The following PLPPR5 variants were observed in gnomAD, a reference collection of about 807,000 sequenced individuals.
PLPPR5 encodes the protein phospholipid phosphatase-related protein type 5.
In PLPPR5, 16 loss-of-function variants were observed where a neutral mutation model predicts 33.9. The ratio of observed to expected loss-of-function variants is 0.47; its 90% CI spans 0.32 to 0.72. The LOEUF (loss-of-function observed/expected upper bound fraction) is 0.72, where lower values mean the gene tolerates loss of function less well. Among genes scored for constraint, PLPPR5 ranks in the 30% least tolerant of loss-of-function variants. The pLI, the probability that PLPPR5 is intolerant of heterozygous loss-of-function variation, is 0.03. For missense variants in PLPPR5, 301 were observed against 406.7 expected (o/e 0.74, Z 2.23); for synonymous variants, 163 against 150.3 (o/e 1.08, Z -0.62).
chr1:98,974,819 T>C (rs1472365775), intron 1 of PLPPR5, among the ~76,000 whole-genome samples: 7 of 152,070 alleles, frequency 4.6e-5, no homozygotes, highest in Non-Finnish European at 8.8e-5. Flanking sequence ...CATTAGCAGA[T>C]CCCTATTCCT....
intron 5 of PLPPR5, among the ~76,000 whole-genome samples, chr1:98,901,832 T>C (rs910114744): frequency 2.0e-5 from 3 of 152,048 alleles, no homozygotes; most frequent in Admixed American, 2.0e-4. Flanking sequence ...TTAAGGAACA[T>C]TTACCTTAGT....
chr1:98,958,431 A>C (rs145399113), intron 1 of PLPPR5, among the ~76,000 whole-genome samples: 119 of 151,794 alleles, frequency 7.8e-4, no homozygotes, highest in African/African-American at 2.8e-3. Context: ...CAAGTAAGCC[A>C]GGGTTCAATG....
At chr1:98,990,588 A>G (rs1296408839) in intron 1 of PLPPR5, among the ~76,000 whole-genome samples, 1 of 152,196 alleles carries the variant, frequency 6.6e-6, no homozygotes, top group Non-Finnish European at 1.5e-5. Context: ...ATTTGAAGTA[A>G]GTGAGATTTA....
At chr1:98,978,934 C>T (rs910086878) in intron 1 of PLPPR5, among the ~76,000 whole-genome samples, 2 of 151,994 alleles carry the variant, frequency 1.3e-5, no homozygotes, top group South Asian at 2.1e-4. Context: ...TCCAAATACA[C>T]CTGACAGGAT....
rs1016357945 is a variant in PLPPR5, at chr1:99,004,739, C to T, written c.-68G>A. Reference sequence around the variant, plus strand: ...CGACGCGGTGGGCCCCCTCCCCGGTCCGCCGAGGCAGCCACCGGGGGCGCG... The same window carrying T: ...CGACGCGGTGGGCCCCCTCCCCGGTTCGCCGAGGCAGCCACCGGGGGCGCG... On this transcript the variant is annotated 5_prime_UTR_variant, in exon 1 of 6. Coordinates refer to ENST00000263177, the MANE Select transcript of PLPPR5 (RefSeq NM_001037317.2). The T allele has an allele frequency of 2.5e-5, 28 of 1,102,404 alleles. No homozygotes were observed. Among genetic ancestry groups the T allele is most frequent in the African/African-American group, 6.6e-5 (4 of 60,758 alleles). The allele number at this position is 1,102,404 out of a possible 1,614,324, so 68.3% of individuals were successfully genotyped here. A position where few individuals can be genotyped will look rare whatever the true frequency, so the allele number is the denominator to read the frequency against.
intron 4 of PLPPR5, 46 bp from the exon 5 acceptor site, chr1:98,914,966 T>A: frequency 6.3e-7 from 1 of 1,577,216 alleles, no homozygotes; most frequent in Non-Finnish European, 8.6e-7. Flanking sequence ...CTGTGCTCAC[T>A]GTGACTTTCA....
At chr1:98,894,718 C>T (rs1196767911) in intron 5 of PLPPR5, among the ~76,000 whole-genome samples, 1 of 152,014 alleles carries the variant, frequency 6.6e-6, no homozygotes, top group Non-Finnish European at 1.5e-5. Context: ...CCATTGTTGA[C>T]CCAGATAATG....
At chr1:98,932,582 A>C (rs555414345) in intron 3 of PLPPR5, among the ~76,000 whole-genome samples, 1 of 152,272 alleles carries the variant, frequency 6.6e-6, no homozygotes, top group South Asian at 2.1e-4. Context: ...TACTTTAGCT[A>C]TTTTTTAGGT....
intron 1 of PLPPR5, among the ~76,000 whole-genome samples, chr1:98,992,965 G>A (rs1341268896): frequency 6.6e-6 from 1 of 152,060 alleles, no homozygotes; most frequent in African/African-American, 2.4e-5. Flanking sequence ...TGGGGTCATA[G>A]GTTAGCCACT....
intron 5 of PLPPR5, among the ~76,000 whole-genome samples, chr1:98,909,367 ATAC>A (rs1252694630): frequency 6.7e-6 from 1 of 149,624 alleles, no homozygotes; most frequent in African/African-American, 2.5e-5. Context: ...GTTCCTTTCT[ATAC>A]TACTAAAGAA....
chr1:98,943,603 C>A (rs1216740609), intron 3 of PLPPR5, among the ~76,000 whole-genome samples: 2 of 152,132 alleles, frequency 1.3e-5, no homozygotes, highest in Non-Finnish European at 1.5e-5. Flanking sequence ...AATGGGGATG[C>A]ACAATACTTG....
intron 2 of PLPPR5, among the ~76,000 whole-genome samples, chr1:98,955,656 G>T (rs1650977593): frequency 6.6e-6 from 1 of 152,014 alleles, no homozygotes; most frequent in African/African-American, 2.4e-5. Context: ...TCTTTAATGG[G>T]TTTATAGATA....
chr1:99,003,971 C>T (rs1652964209), intron 1 of PLPPR5, among the ~76,000 whole-genome samples: 1 of 152,194 alleles, frequency 6.6e-6, no homozygotes, highest in Admixed American at 6.5e-5. Context: ...TGCCCCGACT[C>T]GGGAAGTGGG....
intron 5 of PLPPR5, among the ~76,000 whole-genome samples, chr1:98,898,467 G>T (rs1648565040): frequency 6.6e-6 from 1 of 152,112 alleles, no homozygotes; most frequent in Non-Finnish European, 1.5e-5. Context: ...TTTGAGGAGG[G>T]GAAGGTGAGC....
chr1:98,989,325 T>C (rs927482782), intron 1 of PLPPR5, among the ~76,000 whole-genome samples: 1 of 152,150 alleles, frequency 6.6e-6, no homozygotes, highest in African/African-American at 2.4e-5. Flanking sequence ...CTCCTTGGTA[T>C]ACTGTATTAT....
intron 4 of PLPPR5, among the ~76,000 whole-genome samples, chr1:98,916,538 A>T (rs1649358993): frequency 6.6e-6 from 1 of 152,236 alleles, no homozygotes; most frequent in Non-Finnish European, 1.5e-5. Context: ...CCTTTGCAGC[A>T]ACTATTCAAC....
rs541392351 is a variant in PLPPR5 at position 98,910,041 on chromosome 1, G to A, written c.933+4745C>T. 3.3e-5 allele frequency among the ~76,000 whole-genome samples: 5 copies of A among 152,288 alleles called. No homozygotes were observed. In the East Asian group the frequency reaches 9.6e-4, roughly 29 times the overall value. On this transcript the variant is annotated intron_variant, in intron 5 of 5. Coordinates refer to ENST00000263177, the MANE Select transcript of PLPPR5 (RefSeq NM_001037317.2). ...GCATAAAAATAACGAATACTTGTAT[G>A]CTATACTATAATTACACTGCAGCTT...
At chr1:98,907,888 G>A (rs962722683) in intron 5 of PLPPR5, among the ~76,000 whole-genome samples, 2 of 152,174 alleles carry the variant, frequency 1.3e-5, no homozygotes, top group Non-Finnish European at 2.9e-5. Flanking sequence ...CCAGGAGTAT[G>A]TGCAATCCTT....
chr1:98,953,392 T>A (rs3841352), intron 2 of PLPPR5, 72 bp from the exon 3 acceptor site: 28,209 of 1,469,708 alleles, frequency 0.019, 292 homozygotes, highest in South Asian at 0.028. Context: ...TGTGTGTGTG[T>A]GTGAATTTCA....
Sources: gnomAD v4.1 joint callset for allele counts (sites outside exome capture counted in the v4.1 genomes callset) on GRCh38, gnomAD v4.1.1 for gene constraint, MANE v1.5 for transcripts, NCBI Gene and HGNC (gene_info 2026-07-23, HGNC 2026-07-21) for gene names.